IMMP2L: variants seen among roughly 807,000 people sequenced by gnomAD.
The protein encoded by IMMP2L is mitochondrial inner membrane protease subunit 2.
In IMMP2L, 18 loss-of-function variants were observed where a neutral mutation model predicts 19.3. That is an observed-to-expected ratio of 0.93 (90% CI 0.64 to 1.38). IMMP2L has a LOEUF of 1.38. IMMP2L is among the 40% of genes most tolerant of loss of function. The pLI is 0.00. For synonymous variants in IMMP2L, 76 were observed against 73.0 expected, an observed-to-expected ratio of 1.04 and a Z score of -0.21; for missense variants, 233 against 218.2, an observed-to-expected ratio of 1.07 and a Z score of -0.43.
At chr7:111,290,896 G>A (rs1821036417) in intron 3 of IMMP2L, among the ~76,000 whole-genome samples, 6 of 149,962 alleles carry the variant, frequency 4.0e-5, no homozygotes, top group Admixed American at 3.3e-4. Flanking sequence ...CTCCCAACTA[G>A]AATGCAAGCT....
At chr7:110,802,885 G>T (rs1801360524) in intron 5 of IMMP2L, among the ~76,000 whole-genome samples, 2 of 152,078 alleles carry the variant, frequency 1.3e-5, no homozygotes, top group Admixed American at 1.3e-4. Context: ...TTCTGGGCCG[G>T]TTATCTGTTT....
chr7:111,445,436 A>G (rs981197449), intron 3 of IMMP2L, among the ~76,000 whole-genome samples: 1 of 152,054 alleles, frequency 6.6e-6, no homozygotes, highest in Non-Finnish European at 1.5e-5. Context: ...ATACATACAT[A>G]CATAAGTTTA....
chr7:111,024,661 T>C (rs1263207117), intron 3 of IMMP2L, among the ~76,000 whole-genome samples: 1 of 152,202 alleles, frequency 6.6e-6, no homozygotes, highest in African/African-American at 2.4e-5. Context: ...GGGTAAATCC[T>C]GACCCTGTTA....
intron 5 of IMMP2L, among the ~76,000 whole-genome samples, chr7:110,879,153 G>A (rs1414000675): frequency 6.6e-6 from 1 of 152,096 alleles, no homozygotes; most frequent in Non-Finnish European, 1.5e-5. Context: ...CACCTTGAGA[G>A]GCTGAGGTGG....
intron 3 of IMMP2L, among the ~76,000 whole-genome samples, chr7:111,057,185 T>G (rs1035967446): frequency 2.0e-5 from 3 of 152,212 alleles, no homozygotes; most frequent in Non-Finnish European, 2.9e-5. Context: ...CTGCATTTTT[T>G]AGAGCCTGCT....
chr7:110,820,989 A>G (rs1802976084), intron 5 of IMMP2L, among the ~76,000 whole-genome samples: 1 of 152,080 alleles, frequency 6.6e-6, no homozygotes, highest in South Asian at 2.1e-4. Flanking sequence ...TCTGATGATG[A>G]TTGTAAAAAT....
At chr7:111,548,353 T>C (rs1223673179) in intron 1 of IMMP2L, among the ~76,000 whole-genome samples, 1 of 151,966 alleles carries the variant, frequency 6.6e-6, no homozygotes, top group Non-Finnish European at 1.5e-5. Flanking sequence ...AGGAATTGTC[T>C]GTACTATTTC....
At chr7:110,839,558 AT>A (rs1430406543) in intron 5 of IMMP2L, among the ~76,000 whole-genome samples, 1 of 152,022 alleles carries the variant, frequency 6.6e-6, no homozygotes, top group Non-Finnish European at 1.5e-5. Context: ...ATATATGAAT[AT>A]TCCAGATTAT....
At chr7:111,469,912 G>C (rs1210531216) in intron 3 of IMMP2L, among the ~76,000 whole-genome samples, 4 of 152,014 alleles carry the variant, frequency 2.6e-5, no homozygotes, top group African/African-American at 9.7e-5. Flanking sequence ...CACAGCAAAA[G>C]AAACTACCAT....
At chr7:110,683,484 C>A (rs1309512794) in intron 5 of IMMP2L, among the ~76,000 whole-genome samples, 1 of 152,030 alleles carries the variant, frequency 6.6e-6, no homozygotes, top group Non-Finnish European at 1.5e-5. Context: ...AATTGTAAAG[C>A]TTTTACTTTA....
At chr7:111,196,996 A>G (rs1809571838) in intron 3 of IMMP2L, among the ~76,000 whole-genome samples, 1 of 152,160 alleles carries the variant, frequency 6.6e-6, no homozygotes, top group Admixed American at 6.5e-5. Context: ...TTTTTCGTTT[A>G]TGAAGTTTCC....
At chr7:110,987,328 G>A (rs1376235039) in intron 3 of IMMP2L, among the ~76,000 whole-genome samples, 1 of 152,132 alleles carries the variant, frequency 6.6e-6, no homozygotes, top group Non-Finnish European at 1.5e-5. Context: ...TATTGGCAAG[G>A]CACTGCATTC....
At chr7:111,395,992 G>A (rs1432205387) in intron 3 of IMMP2L, among the ~76,000 whole-genome samples, 1 of 152,164 alleles carries the variant, frequency 6.6e-6, no homozygotes, top group Non-Finnish European at 1.5e-5. Flanking sequence ...ACAGATGCTG[G>A]TGAGGCTGTG....
chr7:110,667,739 C>T (rs1445575768), intron 5 of IMMP2L, among the ~76,000 whole-genome samples: 2 of 152,144 alleles, frequency 1.3e-5, no homozygotes, highest in African/African-American at 4.8e-5. Flanking sequence ...CCCAGTGAGA[C>T]CCATATTGGA....
At chr7:110,675,776 C>T (rs545255879) in intron 5 of IMMP2L, among the ~76,000 whole-genome samples, 8 of 152,224 alleles carry the variant, frequency 5.3e-5, no homozygotes, top group African/African-American at 1.7e-4. Context: ...ATTCCCTAAG[C>T]ATAGTGTGAC....
At chr7:111,480,017 CA>C (rs1842041220) in intron 3 of IMMP2L, among the ~76,000 whole-genome samples, 1 of 151,670 alleles carries the variant, frequency 6.6e-6, no homozygotes, top group Non-Finnish European at 1.5e-5. Context: ...AGTGTATAAG[CA>C]TTGTGAAGGC....
intron 3 of IMMP2L, among the ~76,000 whole-genome samples, chr7:111,126,694 A>C (rs214863): frequency 0.055 from 8,447 of 152,212 alleles, 445 homozygotes; most frequent in African/African-American, 0.13. Context: ...TGAGGATTTC[A>C]GTCATTTTTA....
chr7:111,327,348 A>C (rs1825427738), intron 3 of IMMP2L, among the ~76,000 whole-genome samples: 1 of 151,776 alleles, frequency 6.6e-6, no homozygotes, highest in Non-Finnish European at 1.5e-5. Context: ...GCCTCATTTA[A>C]CCTGCTTTAT....
At chr7:111,008,160 T>C (rs909294312) in intron 3 of IMMP2L, among the ~76,000 whole-genome samples, 10 of 152,176 alleles carry the variant, frequency 6.6e-5, no homozygotes, top group African/African-American at 1.9e-4. Context: ...ATTTTCAACA[T>C]GATGCCAATG....
Sources: gnomAD v4.1 joint callset for allele counts (sites outside exome capture counted in the v4.1 genomes callset) on GRCh38, gnomAD v4.1.1 for gene constraint, MANE v1.5 for transcripts, NCBI Gene and HGNC (gene_info 2026-07-23, HGNC 2026-07-21) for gene names.